RAP1GAP: variants seen among roughly 807,000 people sequenced by gnomAD.
RAP1GAP encodes the protein RAP1 GTPase activating protein.
In RAP1GAP, 35 loss-of-function variants were observed where a neutral mutation model predicts 87.2. The ratio of observed to expected loss-of-function variants is 0.40; its 90% CI spans 0.31 to 0.53. RAP1GAP has a LOEUF of 0.53. RAP1GAP is among the 20% of genes least tolerant of loss of function. The pLI is 0.48. For synonymous variants in RAP1GAP, 375 were observed against 363.9 expected (o/e 1.03, Z -0.35); for missense variants, 734 against 898.9 (o/e 0.82, Z 2.35).
intron 3 of RAP1GAP, among the ~76,000 whole-genome samples, chr1:21,621,985 G>C (rs1167291262): frequency 6.6e-6 from 1 of 152,180 alleles, no homozygotes; most frequent in Non-Finnish European, 1.5e-5. Context: ...GTCCAGATGG[G>C]GGGTGCCCCA....
rs1438502134 is a variant in RAP1GAP at position 21,599,531 on chromosome 1, T to A, written c.1739A>T (p.Glu580Val). ...CTCTCCGTCCACACCCTCCGTCTCC[T>A]CCACCACGCTGGCGAAGCTGCTGGC... is the stretch of plus-strand genomic sequence containing the variant. ...SSASSFASVV[E>V]ETEGVDGEDT... The change falls in exon 21 of 25, where the codon GAG (glutamate) becomes GTG (valine). Residue 580 changes from glutamate (E) to valine (V), a missense_variant. By Grantham distance (121) the Glu-to-Val change is moderately radical. Coordinates refer to ENST00000374765, the MANE Select transcript of RAP1GAP (RefSeq NM_002885.4). 3.1e-6 allele frequency: 5 copies of A among 1,609,736 alleles called. No individual in the cohort carries two copies. Among genetic ancestry groups the A allele is most frequent in the Admixed American group, 1.7e-5 (1 of 60,018 alleles).
At chr1:21,656,536 C>G (rs976590221) in intron 1 of RAP1GAP, among the ~76,000 whole-genome samples, 6 of 152,060 alleles carry the variant, frequency 3.9e-5, no homozygotes, top group Admixed American at 1.3e-4. Flanking sequence ...TTGCCTGTGG[C>G]CTTTCTAGCC....
chr1:21,612,155 C>T, intron 10 of RAP1GAP, 46 bp from the exon 11 acceptor site: 1 of 1,424,802 alleles, frequency 7.0e-7, no homozygotes, highest in Middle Eastern at 1.8e-4. Flanking sequence ...TGCAAGCTGC[C>T]ATTCGACGTG....
At chr1:21,602,965 C>T (rs1326378277) in intron 18 of RAP1GAP, 52 bp from the exon 19 acceptor site, 2 of 1,204,502 alleles carry the variant, frequency 1.7e-6, no homozygotes, top group Middle Eastern at 2.2e-4. Context: ...GCCCCAGTGC[C>T]CCCCCCACAT....
At chr1:21,626,495 A>C in intron 2 of RAP1GAP, 98 bp from the exon 3 acceptor site, 1 of 999,226 alleles carries the variant, frequency 1.0e-6, no homozygotes, top group Non-Finnish European at 1.6e-6. Context: ...GTGAGGGAGG[A>C]TAGACTTCAC....
At position 21,599,632 on chromosome 1, in the gene RAP1GAP, GC is replaced by G; in HGVS notation, c.1653-16del. On this transcript the variant is annotated splice_polypyrimidine_tract_variant and intron_variant, in intron 20 of 24. Transcript: ENST00000374765. ...CGGTCTCCGCTCTGCCACAGACAGTGCCCCATTAGCCGGTGTCCACCCCGAG... is the reference window on the plus strand; with the variant it reads ...CGGTCTCCGCTCTGCCACAGACAGTGCCCATTAGCCGGTGTCCACCCCGAG... 1.3e-6 allele frequency: 2 copies of G among 1,595,944 alleles called. No homozygotes were observed.
intron 17 of RAP1GAP, among the ~76,000 whole-genome samples, chr1:21,607,765 C>G (rs761166197): frequency 6.6e-6 from 1 of 152,106 alleles, no homozygotes; most frequent in South Asian, 2.1e-4. Flanking sequence ...CAAACTCTAC[C>G]CAAGGCAGAC....
At chr1:21,601,825 G>GA (rs1187405409) in intron 19 of RAP1GAP, 28 bp from the exon 20 acceptor site, 2 of 1,511,338 alleles carry the variant, frequency 1.3e-6, no homozygotes, top group African/African-American at 2.7e-5. Context: ...GCAGCGGGGG[G>GA]ATTCAGCACC....
At chr1:21,606,972 T>C (rs1280775906) in intron 17 of RAP1GAP, among the ~76,000 whole-genome samples, 2 of 152,208 alleles carry the variant, frequency 1.3e-5, no homozygotes, top group Non-Finnish European at 2.9e-5. Context: ...CCACCTGTCC[T>C]GTCTCCAGTC....
rs796187500 is a variant in RAP1GAP, at chr1:21,660,341, A to ATT, written c.-149+8912_-149+8913insAA. Among the ~76,000 whole-genome samples the ATT allele has an allele frequency of 3.1e-4, 32 of 101,956 alleles. 2 individuals carry two copies. Among genetic ancestry groups the ATT allele is most frequent in the Middle Eastern group, 5.3e-3 (1 of 190 alleles). 66.9% of individuals were successfully genotyped at this position (101,956 alleles called of 152,430 possible). On this transcript the variant is annotated intron_variant, in intron 1 of 24. Transcript: ENST00000374765. ...GGACAGAGTGGGTTCCAACTCAGCTATATATATTTATTGAGACAGTCTCGC... is the reference window on the plus strand; with the variant it reads ...GGACAGAGTGGGTTCCAACTCAGCTATTTATATATTTATTGAGACAGTCTCGC...
intron 1 of RAP1GAP, chr1:21,651,486 C>T: frequency 1.6e-6 from 1 of 634,834 alleles, no homozygotes; most frequent in Non-Finnish European, 3.1e-6. Context: ...TGCATAAGCG[C>T]CACTATCATG....
At chr1:21,628,957 TC>T (rs1288109457) in intron 2 of RAP1GAP, among the ~76,000 whole-genome samples, 1 of 151,652 alleles carries the variant, frequency 6.6e-6, no homozygotes, top group Non-Finnish European at 1.5e-5. Flanking sequence ...CCACTGAGGC[TC>T]CCATGGGGAC....
Position 21,603,920 on chromosome 1 carries a change from G to C in RAP1GAP, c.1429-1007C>G. 6.6e-7 allele frequency: 1 copy of C among 1,525,136 alleles called. No homozygotes were observed. The highest frequency in any genetic ancestry group is 8.9e-7 in the Non-Finnish European group (1 of 1,129,108). 94.5% of individuals were successfully genotyped at this position (1,525,136 alleles called of 1,614,324 possible). A position where few individuals can be genotyped will look rare whatever the true frequency, so the allele number is the denominator to read the frequency against. On this transcript the variant is annotated intron_variant, in intron 18 of 24. Coordinates refer to ENST00000374765, the MANE Select transcript of RAP1GAP (RefSeq NM_002885.4). The surrounding 1 kb of genome is among the most constrained non-coding windows in gnomAD (Gnocchi z 6.0). ...CCCAGGAATAAGCAATGACTGGCAA[G>C]CAGCAGAGGGCGGGGGCAGAGAGAG...
intron 2 of RAP1GAP, among the ~76,000 whole-genome samples, chr1:21,639,766 G>GCACC: frequency 6.6e-6 from 1 of 152,296 alleles, no homozygotes; most frequent in South Asian, 2.1e-4. Context: ...GACTCAGCCG[G>GCACC]TGGGCGGGGC....
At chr1:21,627,331 G>A (rs1363140259) in intron 2 of RAP1GAP, among the ~76,000 whole-genome samples, 1 of 151,918 alleles carries the variant, frequency 6.6e-6, no homozygotes, top group African/African-American at 2.4e-5. Context: ...AGCCGGGGCT[G>A]CCACACCCCA....
rs941845939 is a variant in RAP1GAP, at chr1:21,659,071, A to T, written c.-148-9275T>A. ...AGGCATGCACCATCAGGCCCAGCTAATTTTTGTATTTTTAGTAGAGTCGGG... is the reference window on the plus strand; with the variant it reads ...AGGCATGCACCATCAGGCCCAGCTATTTTTTGTATTTTTAGTAGAGTCGGG... On this transcript the variant is annotated intron_variant, in intron 1 of 24. Coordinates refer to ENST00000374765, the MANE Select transcript of RAP1GAP (RefSeq NM_002885.4). Among the ~76,000 whole-genome samples, 59 of 151,816 alleles carry T rather than the reference A, an allele frequency of 3.9e-4. 1 individual carries two copies. The East Asian group carries it at 0.011, about 29-fold the overall frequency.
intron 2 of RAP1GAP, among the ~76,000 whole-genome samples, chr1:21,649,237 A>G (rs1226333905): frequency 6.6e-6 from 1 of 150,412 alleles, no homozygotes; most frequent in African/African-American, 2.4e-5. Flanking sequence ...GCAGCCCCAG[A>G]CACAGGAAAT....
chr1:21,610,485 G>A (rs1472455604), intron 13 of RAP1GAP, among the ~76,000 whole-genome samples: 1 of 152,220 alleles, frequency 6.6e-6, no homozygotes, highest in Non-Finnish European at 1.5e-5. Flanking sequence ...TTTAGGTGAT[G>A]AGGGTACACT....
intron 1 of RAP1GAP, chr1:21,651,779 C>A: frequency 6.9e-7 from 1 of 1,441,246 alleles, no homozygotes. Flanking sequence ...CACGCCCTAC[C>A]CGCCGTAGGC....
Sources: allele counts gnomAD v4.1 joint callset (sites outside exome capture counted in the v4.1 genomes callset), GRCh38; gene constraint gnomAD v4.1.1; non-coding constraint Gnocchi (gnomAD v3.1); transcripts MANE v1.5; gene names NCBI Gene and HGNC (gene_info 2026-07-23, HGNC 2026-07-21).